DUSP16: variants seen among roughly 807,000 people sequenced by gnomAD.
DUSP16 encodes the protein dual specificity phosphatase 16.
In DUSP16, 21 loss-of-function variants were observed where a neutral mutation model predicts 58.3. The ratio of observed to expected loss-of-function variants is 0.36; its 90% confidence interval spans 0.26 to 0.52. The LOEUF is 0.52. DUSP16 is among the 20% of genes least tolerant of loss of function. DUSP16 has a pLI of 0.94. For missense variants in DUSP16, 726 were observed against 819.0 expected (o/e 0.89, Z 1.39); for synonymous variants, 320 against 323.8 (o/e 0.99, Z 0.12).
chr12:12,487,554 C>T (rs887667933), intron 4 of DUSP16, among the ~76,000 whole-genome samples: 2 of 152,134 alleles, frequency 1.3e-5, no homozygotes, highest in Non-Finnish European at 2.9e-5. Flanking sequence ...ACACGGAACA[C>T]GCTGGTTCTC....
chr12:12,510,151 G>A (rs944023104), intron 3 of DUSP16, among the ~76,000 whole-genome samples: 2 of 151,974 alleles, frequency 1.3e-5, no homozygotes, highest in Non-Finnish European at 2.9e-5. Context: ...ATGGCTCAGG[G>A]AATCAGGGCA....
intron 3 of DUSP16, 92 bp from the exon 4 acceptor site, chr12:12,500,774 C>G: frequency 8.3e-7 from 1 of 1,201,650 alleles, no homozygotes; most frequent in Admixed American, 3.3e-5. Flanking sequence ...TTTAAACCCA[C>G]GAATCCAAGT....
chr12:12,558,704 A>T (rs1944848245), intron 1 of DUSP16, among the ~76,000 whole-genome samples: 1 of 152,164 alleles, frequency 6.6e-6, no homozygotes, highest in African/African-American at 2.4e-5. Flanking sequence ...TAATAAAAAA[A>T]TCTTGTGACT....
chr12:12,498,483 G>C (rs1943863962), intron 4 of DUSP16, among the ~76,000 whole-genome samples: 1 of 151,602 alleles, frequency 6.6e-6, no homozygotes, highest in South Asian at 2.1e-4. Context: ...GGCACAATCT[G>C]GGCTCAGTGC....
Position 12,496,522 on chromosome 12 carries a change from C to CGCCT in DUSP16, c.531+3996_531+3997insAGGC, listed in dbSNP as rs1467462668. Among the ~76,000 whole-genome samples the CGCCT allele has an allele frequency of 9.8e-5, 15 of 152,326 alleles. No individual in the cohort carries two copies. The South Asian group carries it at 2.9e-3, about 29-fold the overall frequency. ...ATTATTTAAATGGAGAAGGAGCAGG[C>CGCCT]AGCAGAGCTCCTTTAGAAAAGAAGC... is the stretch of plus-strand genomic sequence containing the variant. On this transcript the variant is annotated intron_variant, in intron 4 of 6. Transcript: ENST00000298573.
chr12:12,499,806 A>G (rs1040914846), intron 4 of DUSP16, among the ~76,000 whole-genome samples: 18 of 152,170 alleles, frequency 1.2e-4, no homozygotes, highest in African/African-American at 4.3e-4. Context: ...ATTTTGCAGC[A>G]TTACTAATTA....
chr12:12,512,200 T>C (rs1427953483), intron 3 of DUSP16, among the ~76,000 whole-genome samples: 5 of 152,144 alleles, frequency 3.3e-5, no homozygotes, highest in Admixed American at 3.3e-4. Context: ...ACAGCACCTT[T>C]TTCCCCAGCT....
Position 12,475,740 on chromosome 12 carries a change from C to T in DUSP16, c.*1093G>A, listed in dbSNP as rs1386845656. ...CCTTTCTTAATCTTCCCATAATTTA[C>T]CTCCCTAGGAAGTTTCCTATAAAAT... On this transcript the variant is annotated 3_prime_UTR_variant, in exon 7 of 7. Transcript: ENST00000298573. The T allele has an allele frequency of 2.6e-5, 4 of 152,152 alleles. No homozygotes were observed. The highest frequency in any genetic ancestry group is 9.7e-5 in the African/African-American group (4 of 41,430). 9.4% of individuals were successfully genotyped at this position (152,152 alleles called of 1,614,324 possible).
At chr12:12,553,254 AT>A (rs1944758853) in intron 1 of DUSP16, among the ~76,000 whole-genome samples, 1 of 152,190 alleles carries the variant, frequency 6.6e-6, no homozygotes, top group Non-Finnish European at 1.5e-5. Context: ...CCATTAGTTT[AT>A]AGTACCACAA....
intron 5 of DUSP16, among the ~76,000 whole-genome samples, chr12:12,481,568 T>G (rs960687884): frequency 6.6e-6 from 1 of 152,202 alleles, no homozygotes; most frequent in African/African-American, 2.4e-5. Context: ...ATGCTATAAA[T>G]ATAAGTTTCT....
chr12:12,534,483 C>G (rs55946424), intron 1 of DUSP16, among the ~76,000 whole-genome samples: 19,850 of 152,140 alleles, frequency 0.13, 1,397 homozygotes, highest in Middle Eastern at 0.16. Context: ...TCCACTTTGT[C>G]CTTTCCACTG....
chr12:12,504,194 C>G (rs2136216419), intron 3 of DUSP16, among the ~76,000 whole-genome samples: 1 of 152,314 alleles, frequency 6.6e-6, no homozygotes, highest in Middle Eastern at 3.4e-3. Context: ...AACTGTCAGG[C>G]ACTATTTTAA....
At chr12:12,516,409 C>T (rs1944154858) in intron 3 of DUSP16, among the ~76,000 whole-genome samples, 1 of 152,198 alleles carries the variant, frequency 6.6e-6, no homozygotes, top group Admixed American at 6.5e-5. Context: ...AATCAATTTA[C>T]ATTTACATTT....
intron 4 of DUSP16, among the ~76,000 whole-genome samples, chr12:12,495,204 G>T (rs1943812205): frequency 7.1e-6 from 1 of 140,652 alleles, no homozygotes; most frequent in Non-Finnish European, 1.5e-5. Flanking sequence ...TAAATTGTAT[G>T]GTATATGAAT....
At chr12:12,527,884 G>T (rs1291824007) in intron 1 of DUSP16, among the ~76,000 whole-genome samples, 1 of 152,152 alleles carries the variant, frequency 6.6e-6, no homozygotes, top group African/African-American at 2.4e-5. Flanking sequence ...AGAGGTTCAG[G>T]TTGTTTACAT....
At chr12:12,494,063 T>C (rs1943796796) in intron 4 of DUSP16, among the ~76,000 whole-genome samples, 1 of 152,232 alleles carries the variant, frequency 6.6e-6, no homozygotes, top group Non-Finnish European at 1.5e-5. Flanking sequence ...TCCCTGAAGC[T>C]GACTAAAATC....
chr12:12,540,861 T>C (rs930686088), intron 1 of DUSP16, among the ~76,000 whole-genome samples: 10 of 151,956 alleles, frequency 6.6e-5, no homozygotes, highest in Admixed American at 5.2e-4. Context: ...CCCTAAAGGC[T>C]GGTTGCTTCC....
At chr12:12,511,919 T>C (rs185989741) in intron 3 of DUSP16, among the ~76,000 whole-genome samples, 69 of 152,318 alleles carry the variant, frequency 4.5e-4, no homozygotes, top group Admixed American at 3.5e-3. Context: ...TTGATGTCAC[T>C]GTTGTCATCT....
At chr12:12,504,368 C>T (rs1943953906) in intron 3 of DUSP16, among the ~76,000 whole-genome samples, 1 of 151,872 alleles carries the variant, frequency 6.6e-6, no homozygotes, top group African/African-American at 2.4e-5. Context: ...CTCAAGTGAT[C>T]CTCCCACCTC....
Sources: gnomAD v4.1 joint callset for allele counts (sites outside exome capture counted in the v4.1 genomes callset) on GRCh38, gnomAD v4.1.1 for gene constraint, MANE v1.5 for transcripts, NCBI Gene and HGNC (gene_info 2026-07-23, HGNC 2026-07-21) for gene names.